SHROOM4: variants seen among roughly 807,000 people sequenced by gnomAD.
SHROOM4 encodes the protein shroom family member 4.
Under a neutral mutation model 80.3 loss-of-function variants are expected in SHROOM4, and 17 were observed. That is an observed-to-expected ratio of 0.21 (90% CI 0.14 to 0.32). The LOEUF is 0.32. Ranked by LOEUF, SHROOM4 falls within the 10% of genes least tolerant of loss-of-function variation. The probability of loss-of-function intolerance (pLI) is 1.00; values close to 1 mark genes in which losing one functional copy is unlikely to be tolerated. For synonymous variants in SHROOM4, 400 were observed against 437.5 expected, an observed-to-expected ratio of 0.91 and a Z score of 1.07; for missense variants, 993 against 1,140.3, an observed-to-expected ratio of 0.87 and a Z score of 1.86.
chrX:50,813,969 C>A lies in SHROOM4; in HGVS notation c.50G>T (p.Gly17Val). Residue 17 changes from glycine to valine, a missense_variant, in exon 1 of 9, where the codon GGG becomes GTG. Gly to Val is a moderately radical substitution (Grantham distance 109). Coordinates refer to ENST00000376020, the MANE Select transcript of SHROOM4 (RefSeq NM_020717.5). ...AAGGGTGAAGCCCCAGGGTGCCCCC[C>A]CTTGCAGCTGCACAGGGACGTACTG... is the stretch of plus-strand genomic sequence containing the variant. ...SFQYVPVQLQ[G>V]GAPWGFTLKG... The A allele has an allele frequency of 1.7e-6, 2 of 1,209,594 alleles. No individual in the cohort carries two copies. The highest frequency in any genetic ancestry group is 2.2e-6 in the Non-Finnish European group (2 of 894,355).
At chrX:50,780,203 G>A in intron 1 of SHROOM4, among the ~76,000 whole-genome samples, 1 of 111,757 alleles carries the variant, frequency 8.9e-6, no homozygotes, top group East Asian at 2.8e-4. Context: ...CAACTAAGTA[G>A]TAGGCAGAGT....
In SHROOM4 at chrX:50,596,953, T is replaced by C; in HGVS notation, c.4224A>G (p.Ile1408Met). The C allele has an allele frequency of 8.3e-7, 1 of 1,210,173 alleles. No homozygotes were observed. Among genetic ancestry groups the C allele is most frequent in the Non-Finnish European group, 1.1e-6 (1 of 895,022 alleles). ...GCCCCGTCAGCTGCTGCTTCTTCTC[T>C]ATCAGTACCAACTGGGGAAGCAGAG... ...SEANQEKLVL[I>M]EKKQQLTGQL... Residue 1408 changes from isoleucine to methionine, a missense_variant, in exon 9 of 9, where the codon ATA (isoleucine) becomes ATG (methionine). Ile to Met is a conservative substitution (Grantham distance 10). Transcript: ENST00000376020.
intron 2 of SHROOM4, among the ~76,000 whole-genome samples, chrX:50,688,818 A>C (rs1275260329): frequency 4.5e-5 from 5 of 110,056 alleles, no homozygotes; most frequent in Non-Finnish European, 9.5e-5. Context: ...ACACATCCTC[A>C]TGTAGGGAAG....
At chrX:50,745,481 T>G (rs1348354664) in intron 1 of SHROOM4, among the ~76,000 whole-genome samples, 1 of 107,928 alleles carries the variant, frequency 9.3e-6, no homozygotes, top group Non-Finnish European at 1.9e-5. Context: ...GACTTGGGAG[T>G]GGGGAAATAG....
intron 8 of SHROOM4, 51 bp downstream of exon 8, chrX:50,598,215 A>C: frequency 8.3e-7 from 1 of 1,203,311 alleles, no homozygotes; most frequent in Non-Finnish European, 1.1e-6. Context: ...AGCCCTGAGA[A>C]GAAACAAATG....
intron 1 of SHROOM4, among the ~76,000 whole-genome samples, chrX:50,719,825 T>C (rs1934061545): frequency 8.9e-6 from 1 of 112,593 alleles, no homozygotes; most frequent in African/African-American, 3.2e-5. Context: ...ACCCTGAGGG[T>C]AACTAACTCA....
chrX:50,693,648 GATAC>G (rs1300390515), intron 2 of SHROOM4, among the ~76,000 whole-genome samples: 2 of 106,142 alleles, frequency 1.9e-5, no homozygotes, highest in African/African-American at 3.4e-5. Flanking sequence ...GTATCATTCT[GATAC>G]ATACATATAA....
chrX:50,782,003 G>A lies in SHROOM4; in HGVS notation c.117+31899C>T, dbSNP rs1382721875. Among the ~76,000 whole-genome samples the A allele has an allele frequency of 3.6e-5, 4 of 111,728 alleles. No homozygotes were observed. In the East Asian group the frequency reaches 8.5e-4, roughly 24 times the overall value. Reference sequence around the variant, plus strand: ...GCGGGCAGATCACTTGAGGTCAGGAGTTCGAGACCAGCCTGGCCAACATGG... The same window carrying A: ...GCGGGCAGATCACTTGAGGTCAGGAATTCGAGACCAGCCTGGCCAACATGG... On this transcript the variant is annotated intron_variant, in intron 1 of 8. Transcript: ENST00000376020.
At chrX:50,614,421 A>G (rs1428323838) in intron 5 of SHROOM4, among the ~76,000 whole-genome samples, 1 of 112,445 alleles carries the variant, frequency 8.9e-6, no homozygotes, top group Non-Finnish European at 1.9e-5. Flanking sequence ...TATGCTTACC[A>G]ATCAATAAAA....
chrX:50,777,884 G>T (rs1557270275), intron 1 of SHROOM4, among the ~76,000 whole-genome samples: 1 of 112,223 alleles, frequency 8.9e-6, no homozygotes, highest in Non-Finnish European at 1.9e-5. Flanking sequence ...GATGGATGTG[G>T]AAGTGATTTC....
intron 1 of SHROOM4, among the ~76,000 whole-genome samples, chrX:50,730,592 A>G: frequency 9.0e-6 from 1 of 110,624 alleles, no homozygotes; most frequent in South Asian, 3.9e-4. Context: ...CCTGGCCAAC[A>G]TGGCAAAACT....
chrX:50,669,286 C>T (rs1265087765), intron 2 of SHROOM4, among the ~76,000 whole-genome samples: 3 of 111,443 alleles, frequency 2.7e-5, no homozygotes, highest in South Asian at 3.8e-4. Context: ...CAGCATTTAC[C>T]GACAGTAGGA....
At chrX:50,702,124 G>T (rs1056139307) in intron 1 of SHROOM4, among the ~76,000 whole-genome samples, 2 of 112,009 alleles carry the variant, frequency 1.8e-5, no homozygotes, top group Non-Finnish European at 3.8e-5. Flanking sequence ...CATCTGAAAA[G>T]GTGCTCAATA....
chrX:50,688,389 G>C (rs782078192), intron 2 of SHROOM4, among the ~76,000 whole-genome samples: 55 of 111,239 alleles, frequency 4.9e-4, no homozygotes, highest in African/African-American at 1.8e-3. Context: ...ATACACAATG[G>C]AGTGTTATTC....
chrX:50,769,848 C>T (rs188269016), intron 1 of SHROOM4, among the ~76,000 whole-genome samples: 1 of 111,233 alleles, frequency 9.0e-6, no homozygotes, highest in Non-Finnish European at 1.9e-5. Context: ...GGGTGGGGAA[C>T]ATAAGAACCA....
At chrX:50,584,975 T>C (rs892177477), downstream of SHROOM4, among the ~76,000 whole-genome samples, 1 of 110,127 alleles carries the variant, frequency 9.1e-6, no homozygotes, top group African/African-American at 3.3e-5. Context: ...AGAAAGAGAG[T>C]TGGGCAAGAG....
chrX:50,702,365 G>A (rs782306426), intron 1 of SHROOM4, among the ~76,000 whole-genome samples: 89 of 111,531 alleles, frequency 8.0e-4, no homozygotes, highest in Admixed American at 2.9e-3. Flanking sequence ...ATAAGTGCAC[G>A]TGTCCATAAA....
the SHROOM4 span, among the ~76,000 whole-genome samples, chrX:50,578,042 A>G: frequency 1.8e-5 from 2 of 111,987 alleles, no homozygotes; most frequent in African/African-American, 6.5e-5. Flanking sequence ...TTCAAACACA[A>G]TGAGGCTGAC....
chrX:50,804,926 A>G (rs561536156), intron 1 of SHROOM4, among the ~76,000 whole-genome samples: 3 of 110,471 alleles, frequency 2.7e-5, no homozygotes, highest in South Asian at 3.9e-4. Context: ...ATTTAAGTTA[A>G]TACAGAGCTC....
Sources: gnomAD v4.1 joint callset for allele counts (sites outside exome capture counted in the v4.1 genomes callset) on GRCh38, gnomAD v4.1.1 for gene constraint, MANE v1.5 for transcripts, NCBI Gene and HGNC (gene_info 2026-07-23, HGNC 2026-07-21) for gene names.